The following MBP variants were observed in gnomAD, a reference collection of about 807,000 sequenced individuals.
The protein encoded by MBP is Golli-MBP.
Under a neutral mutation model 35.8 loss-of-function variants are expected in MBP, and 16 were observed. The observed-to-expected ratio is 0.45, with a 90% CI of 0.30 to 0.68. The LOEUF is 0.68. MBP is among the 30% of genes least tolerant of loss of function. The pLI, the probability that MBP is intolerant of heterozygous loss-of-function variation, is 0.08. For synonymous variants in MBP, 143 were observed against 159.6 expected, an observed-to-expected ratio of 0.90 and a Z score of 0.78; for missense variants, 380 against 404.7, an observed-to-expected ratio of 0.94 and a Z score of 0.52.
chr18:77,088,500 T>G (rs2144998991), intron 2 of MBP, among the ~76,000 whole-genome samples: 1 of 152,330 alleles, frequency 6.6e-6, no homozygotes, highest in South Asian at 2.1e-4. Flanking sequence ...CCCATAACCT[T>G]CTTACATACA....
chr18:77,021,214 C>G (rs939986757), intron 3 of MBP, among the ~76,000 whole-genome samples: 10 of 152,176 alleles, frequency 6.6e-5, no homozygotes, highest in African/African-American at 2.4e-4. Flanking sequence ...GACACATTTC[C>G]CACCTGAGTT....
intron 2 of MBP, chr18:77,087,699 G>C (rs1157275340): frequency 1.3e-5 from 2 of 152,438 alleles, no homozygotes; most frequent in Non-Finnish European, 2.9e-5. Context: ...GGCCTGGGGA[G>C]GGGAGCCTGG....
chr18:77,104,692 GA>G (rs1976188306), intron 2 of MBP, among the ~76,000 whole-genome samples: 1 of 152,166 alleles, frequency 6.6e-6, no homozygotes, highest in South Asian at 2.1e-4. Context: ...GCTAGTTAGA[GA>G]GAATGCAGTT....
chr18:77,116,343 G>C (rs559205701), intron 1 of MBP, among the ~76,000 whole-genome samples: 2 of 152,224 alleles, frequency 1.3e-5, no homozygotes, highest in Non-Finnish European at 2.9e-5. Context: ...GCATTTTACC[G>C]GGTGAGTCCT....
chr18:77,026,487 G>A (rs992909295), intron 3 of MBP, among the ~76,000 whole-genome samples: 4 of 152,220 alleles, frequency 2.6e-5, no homozygotes, highest in African/African-American at 7.2e-5. Context: ...GTGGACTTCT[G>A]TGGATGAGAT....
At chr18:77,128,260 C>T (rs977996344) in intron 1 of MBP, among the ~76,000 whole-genome samples, 6 of 152,140 alleles carry the variant, frequency 3.9e-5, no homozygotes, top group South Asian at 2.1e-4. Context: ...AAGGGAATTG[C>T]GTTTAGCGGA....
In MBP at chr18:77,044,549, C is replaced by A. The variant is rs985060454; in HGVS notation, c.139+21749G>T. 7.2e-5 allele frequency among the ~76,000 whole-genome samples: 11 copies of A among 152,102 alleles called. No homozygotes were observed. Among genetic ancestry groups the A allele is most frequent in the East Asian group, 5.8e-4 (3 of 5,148 alleles). ...AAGCCCTCTCCAGGGCCCTCGGCCT[C>A]GCTGTCTCACATCACTCGCCTCCCT... On this transcript the variant is annotated intron_variant, in intron 3 of 8. Coordinates refer to ENST00000355994, the MANE Select transcript of MBP (RefSeq NM_001025101.2). The surrounding 1 kb of genome is among the most constrained non-coding windows in gnomAD (Gnocchi z 4.4).
chr18:77,044,615 C>T lies in MBP; in HGVS notation c.139+21683G>A, dbSNP rs80037169. 0.029 allele frequency among the ~76,000 whole-genome samples: 4,435 copies of T among 152,266 alleles called. 75 individuals are homozygous for T. Among genetic ancestry groups the T allele is most frequent in the South Asian group, 0.051 (247 of 4,828 alleles). On this transcript the variant is annotated intron_variant, in intron 3 of 8. Coordinates refer to ENST00000355994, the MANE Select transcript of MBP (RefSeq NM_001025101.2). The surrounding 1 kb of genome is among the most constrained non-coding windows in gnomAD (Gnocchi z 4.4). ...TCGCACCTGGGACGCAGGTGCCCTCCGGTCACACCCTTCCATCCCGTGTGG... is the reference window on the plus strand; with the variant it reads ...TCGCACCTGGGACGCAGGTGCCCTCTGGTCACACCCTTCCATCCCGTGTGG...
At chr18:77,095,321 A>G (rs187223477) in intron 2 of MBP, 1 of 152,352 alleles carries the variant, frequency 6.6e-6, no homozygotes, top group East Asian at 1.9e-4. Context: ...TAAATGGCCA[A>G]TTTAAGAATT....
chr18:77,036,846 A>G (rs12456274), intron 3 of MBP, among the ~76,000 whole-genome samples: 6 of 129,792 alleles, frequency 4.6e-5, no homozygotes, highest in South Asian at 2.8e-4. Flanking sequence ...TGCTGGTCAC[A>G]TTTTGGAGGA....
intron 4 of MBP, chr18:77,015,720 A>G (rs1296000124): frequency 2.0e-6 from 2 of 985,346 alleles, no homozygotes; most frequent in Non-Finnish European, 2.4e-6. Context: ...CTCTTCAACA[A>G]TTTCATGATC....
chr18:77,054,559 C>A (rs1281556809), intron 3 of MBP, among the ~76,000 whole-genome samples: 1 of 152,188 alleles, frequency 6.6e-6, no homozygotes, highest in East Asian at 1.9e-4. Context: ...ACTTAATCAC[C>A]CAGGTGGGCA....
chr18:77,056,997 G>T (rs1464708232), intron 3 of MBP, among the ~76,000 whole-genome samples: 1 of 152,132 alleles, frequency 6.6e-6, no homozygotes, highest in East Asian at 1.9e-4. Flanking sequence ...GAGAAGCAGG[G>T]GGTCTTTGGC....
chr18:77,112,375 GTGTTCATCACGATGGCAAACCGAACA>G (rs1481239624), intron 1 of MBP, among the ~76,000 whole-genome samples: 2 of 152,200 alleles, frequency 1.3e-5, no homozygotes, highest in Non-Finnish European at 2.9e-5. Context: ...TCCTGATTGC[GTGTTCATCACGATGGCAAACCGAACA>G]TGAGGAGAAC....
Position 77,094,524 on chromosome 18 carries a change from C to T in MBP, c.51+10687G>A, listed in dbSNP as rs915375952. ...AAATGACGACTGTAGGACTCTCCCA[C>T]GTTGAGGTGAGCACAGGAGAGCTTA... On this transcript the variant is annotated intron_variant, in intron 2 of 8. Transcript: ENST00000355994. Among the ~76,000 whole-genome samples the T allele has an allele frequency of 1.1e-4, 17 of 152,316 alleles. No homozygotes were observed. In the East Asian group the frequency reaches 2.1e-3, roughly 19 times the overall value.
intron 4 of MBP, among the ~76,000 whole-genome samples, chr18:76,999,515 G>T (rs764082864): frequency 3.3e-5 from 5 of 151,264 alleles, no homozygotes; most frequent in South Asian, 2.1e-4. Flanking sequence ...AAATGCAGTA[G>T]CGTGATCTTG....
At chr18:77,017,480 G>T in intron 3 of MBP, 1 of 404,162 alleles carries the variant, frequency 2.5e-6, no homozygotes, top group African/African-American at 2.0e-5. Context: ...GAATTCCTCA[G>T]TTACTCGAGA....
chr18:76,999,247 G>A (rs886513007), intron 4 of MBP, among the ~76,000 whole-genome samples: 5 of 152,092 alleles, frequency 3.3e-5, no homozygotes, highest in Admixed American at 6.5e-5. Context: ...CATGGGGGAC[G>A]CTGAAGCGGG....
chr18:77,064,659 G>A (rs764922389), intron 3 of MBP, among the ~76,000 whole-genome samples: 6 of 152,020 alleles, frequency 3.9e-5, no homozygotes, highest in Admixed American at 6.5e-5. Context: ...AGTTAATCAC[G>A]AACAAAAAAA....
Sources: gnomAD v4.1 joint callset for allele counts (sites outside exome capture counted in the v4.1 genomes callset) on GRCh38, gnomAD v4.1.1 for gene constraint, Gnocchi (gnomAD v3.1) non-coding constraint, MANE v1.5 for transcripts, NCBI Gene and HGNC (gene_info 2026-07-23, HGNC 2026-07-21) for gene names.